The following ZMYM4 variants were observed in gnomAD, a reference collection of about 807,000 sequenced individuals.
ZMYM4 encodes zinc finger MYM-type protein 4.
ZMYM4 carries 31 observed loss-of-function variants against 183.2 expected under a neutral mutation model. The observed-to-expected ratio is 0.17, with a 90% CI of 0.13 to 0.23. The LOEUF (loss-of-function observed/expected upper bound fraction) is 0.23, where lower values mean the gene tolerates loss of function less well. ZMYM4 is among the 10% of genes least tolerant of loss of function. The pLI, the probability that ZMYM4 is intolerant of heterozygous loss-of-function variation, is 1.00. For missense variants in ZMYM4, 1,273 were observed against 1,840.3 expected (o/e 0.69, Z 5.64); for synonymous variants, 592 against 631.2 (o/e 0.94, Z 0.93).
chr1:35,386,038 C>T (rs752761108), intron 10 of ZMYM4, 36 bp from the exon 11 acceptor site: 8 of 1,422,852 alleles, frequency 5.6e-6, no homozygotes, highest in Non-Finnish European at 6.9e-6. Context: ...TACATTTGTA[C>T]ATATTACTCA....
At chr1:35,351,947 C>A (rs1044322299) in intron 2 of ZMYM4, among the ~76,000 whole-genome samples, 1 of 152,144 alleles carries the variant, frequency 6.6e-6, no homozygotes, top group African/African-American at 2.4e-5. Flanking sequence ...ACTTTATTCT[C>A]CTTGTGCAAA....
At chr1:35,285,470 A>C (rs1368653925) in intron 1 of ZMYM4, among the ~76,000 whole-genome samples, 1 of 152,184 alleles carries the variant, frequency 6.6e-6, no homozygotes, top group Non-Finnish European at 1.5e-5. Flanking sequence ...AAAAGAACTC[A>C]CTACAGTCTG....
intron 2 of ZMYM4, among the ~76,000 whole-genome samples, chr1:35,355,518 T>C (rs528443025): frequency 6.6e-6 from 1 of 152,296 alleles, no homozygotes; most frequent in Admixed American, 6.5e-5. Context: ...TGTCTGTATC[T>C]TTACTGAACT....
In ZMYM4 at chr1:35,393,662, C is replaced by T. The variant is rs539624199; in HGVS notation, c.2834C>T (p.Ala945Val). 6.2e-7 allele frequency: 1 copy of T among 1,612,796 alleles called. No homozygotes were observed. Among genetic ancestry groups the T allele is most frequent in the South Asian group, 1.1e-5 (1 of 90,948 alleles). ...SQPPRLLKNK[A>V]LLCKPITQTK... ...CCTCCAAGGCTTTTGAAGAACAAAGCTTTATTATGCAAACCCATCACACAG... is the reference window on the plus strand; with the variant it reads ...CCTCCAAGGCTTTTGAAGAACAAAGTTTTATTATGCAAACCCATCACACAG... Residue 945 changes from alanine to valine, a missense_variant, in exon 18 of 30, where the codon GCT becomes GTT. By Grantham distance (64) the Ala-to-Val change is moderately conservative (BLOSUM62 0). Coordinates refer to ENST00000314607, the MANE Select transcript of ZMYM4 (RefSeq NM_005095.3).
At position 35,359,224 on chromosome 1, in the gene ZMYM4, C is replaced by G. The variant is rs771040306; in HGVS notation, c.385C>G (p.Gln129Glu). 1 of 1,610,566 alleles carries G rather than the reference C, an allele frequency of 6.2e-7. No individual in the cohort carries two copies. The highest frequency in any genetic ancestry group is 2.2e-5 in the East Asian group (1 of 44,770). ...TGAATCAGACAATGAAAATGAAATACAAATTCAAAATAAGTTAAAAAAAGA... is the reference window on the plus strand; with the variant it reads ...TGAATCAGACAATGAAAATGAAATAGAAATTCAAAATAAGTTAAAAAAAGA... ...QHESDNENEIQIQNKLKKDFP... is the reference protein window; with the variant it reads ...QHESDNENEIEIQNKLKKDFP... Residue 129 changes from glutamine (Q) to glutamate (E), a missense_variant, in exon 3 of 30, where the codon CAA becomes GAA. Transcript: ENST00000314607.
In ZMYM4 at chr1:35,385,450, C is replaced by G. The variant is rs1644555669; in HGVS notation, c.1578C>G (p.Ala526=). 3.1e-6 allele frequency: 5 copies of G among 1,602,550 alleles called. No homozygotes were observed. The highest frequency in any genetic ancestry group is 4.2e-6 in the Non-Finnish European group (5 of 1,177,228). ...SCITAYKQKS[A]KITPCALCKS... is the part of the protein sequence containing the mutation. ...TTTTATTCTCTTAATAGAAATCAGC[C>G]AAAATTACACCGTGTGCGCTTTGCA... Residue 526 remains alanine (A), a synonymous_variant, in exon 10 of 30, where the codon GCC becomes GCG. Coordinates refer to ENST00000314607, the MANE Select transcript of ZMYM4 (RefSeq NM_005095.3).
chr1:35,399,919 G>T (rs1644873548), intron 23 of ZMYM4: 2 of 171,614 alleles, frequency 1.2e-5, no homozygotes, highest in Non-Finnish European at 2.5e-5. Flanking sequence ...AAGGCAGGCG[G>T]ATCACAAGGT....
Position 35,351,349 on chromosome 1 carries a change from T to G in ZMYM4, c.86-7576T>G, listed in dbSNP as rs1250865287. The G allele has an allele frequency of 5.1e-6, 8 of 1,569,334 alleles. No homozygotes were observed. The African/African-American group carries it at 1.1e-4, about 21-fold the overall frequency. On this transcript the variant is annotated intron_variant, in intron 2 of 29. Coordinates refer to ENST00000314607, the MANE Select transcript of ZMYM4 (RefSeq NM_005095.3). ...AAAGTTGCAGATTACATGCACTACTTAATGAAAGAAGATGAAGATGCTTAC... is the reference window on the plus strand; with the variant it reads ...AAAGTTGCAGATTACATGCACTACTGAATGAAAGAAGATGAAGATGCTTAC...
chr1:35,342,625 T>G (rs1643243668), intron 2 of ZMYM4, among the ~76,000 whole-genome samples: 1 of 152,170 alleles, frequency 6.6e-6, no homozygotes, highest in African/African-American at 2.4e-5. Context: ...TTGTCCATCT[T>G]AAAATTTGTT....
intron 21 of ZMYM4, 46 bp from the exon 22 acceptor site, chr1:35,398,818 G>A: frequency 6.3e-7 from 1 of 1,592,540 alleles, no homozygotes; most frequent in Non-Finnish European, 8.6e-7. Context: ...ATGTCAAGAT[G>A]AGGCTATTTT....
intron 3 of ZMYM4, among the ~76,000 whole-genome samples, chr1:35,360,351 A>G (rs1257578397): frequency 6.6e-6 from 1 of 152,058 alleles, no homozygotes; most frequent in Non-Finnish European, 1.5e-5. Context: ...CTGGTGTAGT[A>G]AAATAGTAAT....
At chr1:35,401,055 T>G (rs557352008) in intron 23 of ZMYM4, among the ~76,000 whole-genome samples, 95 of 152,160 alleles carry the variant, frequency 6.2e-4, no homozygotes, top group African/African-American at 2.2e-3. Context: ...GGGGCTATTT[T>G]GAATAAAACT....
chr1:35,357,225 G>A (rs973590793), intron 2 of ZMYM4, among the ~76,000 whole-genome samples: 2 of 152,088 alleles, frequency 1.3e-5, no homozygotes, highest in African/African-American at 4.8e-5. Flanking sequence ...TATCAGTTGG[G>A]ACCTGATTAC....
At chr1:35,358,345 G>C (rs1372435938) in intron 2 of ZMYM4, among the ~76,000 whole-genome samples, 1 of 152,150 alleles carries the variant, frequency 6.6e-6, no homozygotes, top group Non-Finnish European at 1.5e-5. Flanking sequence ...TTATTTTTAT[G>C]TGTAAGTATT....
At chr1:35,332,269 T>G in intron 2 of ZMYM4, among the ~76,000 whole-genome samples, 1 of 152,292 alleles carries the variant, frequency 6.6e-6, no homozygotes, top group African/African-American at 2.4e-5. Context: ...ATTATGTAAG[T>G]TATATTCTGA....
At chr1:35,336,222 C>A (rs1376334969) in intron 2 of ZMYM4, among the ~76,000 whole-genome samples, 1 of 152,056 alleles carries the variant, frequency 6.6e-6, no homozygotes, top group Non-Finnish European at 1.5e-5. Flanking sequence ...CCATGTTGAA[C>A]CTTCTTGTAC....
At chr1:35,345,088 C>CACCTTTAGCACAGGTAGCA (rs1297959001) in intron 2 of ZMYM4, among the ~76,000 whole-genome samples, 3 of 152,120 alleles carry the variant, frequency 2.0e-5, no homozygotes, top group African/African-American at 7.2e-5. Flanking sequence ...AGTATGGTAG[C>CACCTTTAGCACAGGTAGCA]CACTGGCACC....
intron 1 of ZMYM4, among the ~76,000 whole-genome samples, chr1:35,274,617 A>T (rs12136526): frequency 0.66 from 68,459 of 104,390 alleles, 24,166 homozygotes; most frequent in Non-Finnish European, 0.84. Context: ...TTTTTTTTTT[A>T]AAAAAAAAAA....
chr1:35,323,534 T>G (rs902746315), intron 1 of ZMYM4, among the ~76,000 whole-genome samples: 6 of 151,358 alleles, frequency 4.0e-5, no homozygotes, highest in African/African-American at 1.5e-4. Flanking sequence ...TCGTTTTTTG[T>G]TTTTTGTTTT....
Sources: gnomAD v4.1 joint callset for allele counts (sites outside exome capture counted in the v4.1 genomes callset) on GRCh38, gnomAD v4.1.1 for gene constraint, MANE v1.5 for transcripts, NCBI Gene and HGNC (gene_info 2026-07-23, HGNC 2026-07-21) for gene names.